The following EPHX4 variants were observed in gnomAD, a reference collection of about 807,000 sequenced individuals.
The protein encoded by EPHX4 is abhydrolase domain containing 7.
A neutral mutation model predicts 44.9 loss-of-function variants in EPHX4; 31 were observed. That is an observed-to-expected ratio of 0.69 (90% confidence interval 0.52 to 0.93). The LOEUF (loss-of-function observed/expected upper bound fraction) is 0.93. Ranked by LOEUF, EPHX4 falls within the 40% of genes least tolerant of loss-of-function variation. The pLI is 0.00. For synonymous variants in EPHX4, 151 were observed against 159.7 expected, an observed-to-expected ratio of 0.95 and a Z score of 0.41; for missense variants, 373 against 438.1, an observed-to-expected ratio of 0.85 and a Z score of 1.33.
intron 6 of EPHX4, among the ~76,000 whole-genome samples, chr1:92,058,325 C>T (rs1647416330): frequency 2.0e-5 from 3 of 151,806 alleles, no homozygotes; most frequent in Admixed American, 1.3e-4. Flanking sequence ...TCTGTAATCC[C>T]AGCTGCTCGG....
At chr1:92,037,371 A>C (rs1041359887) in intron 2 of EPHX4, among the ~76,000 whole-genome samples, 1 of 152,236 alleles carries the variant, frequency 6.6e-6, no homozygotes, top group Admixed American at 6.5e-5. Flanking sequence ...GCAACAATAA[A>C]ATCCCGGGTC....
At chr1:92,051,492 T>A (rs951439763) in intron 5 of EPHX4, among the ~76,000 whole-genome samples, 4 of 152,176 alleles carry the variant, frequency 2.6e-5, no homozygotes, top group Non-Finnish European at 2.9e-5. Flanking sequence ...TGAAGAAATT[T>A]GCCCTGAGGA....
At chr1:92,051,442 T>G (rs1011489241) in intron 5 of EPHX4, among the ~76,000 whole-genome samples, 1 of 152,152 alleles carries the variant, frequency 6.6e-6, no homozygotes, top group Non-Finnish European at 1.5e-5. Context: ...AGTGCCTTCT[T>G]TCTTTTTTTT....
chr1:92,042,070 T>C (rs1401673749), intron 2 of EPHX4, among the ~76,000 whole-genome samples: 2 of 151,132 alleles, frequency 1.3e-5, no homozygotes, highest in African/African-American at 2.4e-5. Flanking sequence ...AACAAAAAAT[T>C]GACTTATTGG....
chr1:92,043,576 A>T (rs1688542739), intron 3 of EPHX4: 1 of 152,220 alleles, frequency 6.6e-6, no homozygotes, highest in South Asian at 2.1e-4. Context: ...TATTCATTTT[A>T]AAATGTTATA....
At chr1:92,039,708 C>T (rs1046144060) in intron 2 of EPHX4, among the ~76,000 whole-genome samples, 2 of 152,090 alleles carry the variant, frequency 1.3e-5, no homozygotes, top group Non-Finnish European at 2.9e-5. Flanking sequence ...GGCTGGAGTG[C>T]GGTGACTCGA....
chr1:92,056,841 T>G (rs1647381222), intron 6 of EPHX4, among the ~76,000 whole-genome samples: 1 of 152,026 alleles, frequency 6.6e-6, no homozygotes, highest in African/African-American at 2.4e-5. Context: ...AAAGCAAATC[T>G]TAACCAATAC....
rs1260415716 is a variant in EPHX4 at position 92,042,918 on chromosome 1, A to G, written c.413A>G (p.His138Arg). ...RGYGETDAPI[H>R]RQNYKLDCLI... Reference sequence around the variant, plus strand: ...TATGGAGAAACAGATGCTCCCATTCATCGACAGAATTATAAATTGGATTGT... The same window carrying G: ...TATGGAGAAACAGATGCTCCCATTCGTCGACAGAATTATAAATTGGATTGT... The change falls in exon 3 of 7, where the codon CAT (histidine) becomes CGT (arginine). Residue 138 changes from histidine to arginine, a missense_variant. Transcript: ENST00000370383. 3 of 1,612,988 alleles carry G rather than the reference A, an allele frequency of 1.9e-6. No individual in the cohort carries two copies. The highest frequency in any genetic ancestry group is 2.7e-5 in the African/African-American group (2 of 74,910).
chr1:92,030,490 G>GTGTGTGTGTGTGTGTGTGTGT lies in EPHX4; in HGVS notation c.231+180_231+181insTGTGTGTGTGTGTGTGTGTGT, dbSNP rs1383490491. Reference sequence around the variant, plus strand: ...TGTGTGTGTGTGTGTGTGTGTGAGAGAGAGAGAGAGAGAGAGAGATACAGA... The same window carrying GTGTGTGTGTGTGTGTGTGTGT: ...TGTGTGTGTGTGTGTGTGTGTGAGAGTGTGTGTGTGTGTGTGTGTGTAGAGAGAGAGAGAGAGAGATACAGA... On this transcript the variant is annotated intron_variant, in intron 1 of 6. Transcript: ENST00000370383. Among the ~76,000 whole-genome samples the GTGTGTGTGTGTGTGTGTGTGT allele has an allele frequency of 8.5e-3, 1,088 of 127,628 alleles. 23 individuals carry two copies. The highest frequency in any genetic ancestry group is 0.013 in the African/African-American group (436 of 32,786). 83.7% of individuals were successfully genotyped at this position (127,628 alleles called of 152,430 possible).
intron 6 of EPHX4, among the ~76,000 whole-genome samples, chr1:92,060,829 G>A (rs1030062150): frequency 2.0e-5 from 3 of 151,742 alleles, no homozygotes; most frequent in African/African-American, 7.3e-5. Context: ...TTAGAAAATG[G>A]TTTGGTTTTG....
intron 2 of EPHX4, 88 bp downstream of exon 2, chr1:92,032,678 G>A: frequency 9.1e-7 from 1 of 1,094,632 alleles, no homozygotes; most frequent in South Asian, 1.3e-5. Context: ...GAATATCACA[G>A]TCTGGGTAAC....
intron 4 of EPHX4, 98 bp from the exon 5 acceptor site, chr1:92,050,219 G>A: frequency 2.7e-6 from 2 of 728,218 alleles, no homozygotes; most frequent in South Asian, 3.6e-5. Flanking sequence ...TTCTTTTATG[G>A]GATCATCTTA....
chr1:92,045,796 G>A, intron 4 of EPHX4, 136 bp downstream of exon 4: 1 of 910,090 alleles, frequency 1.1e-6, no homozygotes, highest in South Asian at 1.5e-5. Context: ...GATAGCACAT[G>A]ACAGTGTCAG....
At chr1:92,062,857 T>C (rs763638812) in intron 6 of EPHX4, among the ~76,000 whole-genome samples, 198 bp from the exon 7 acceptor site, 22 of 152,100 alleles carry the variant, frequency 1.4e-4, no homozygotes, top group Non-Finnish European at 2.4e-4. Flanking sequence ...TTTTAGTATC[T>C]GTTTATGTAC....
chr1:92,040,176 AT>A (rs10646888), intron 2 of EPHX4, among the ~76,000 whole-genome samples: 556 of 112,114 alleles, frequency 5.0e-3, no homozygotes, highest in African/African-American at 0.012. Context: ...TGTTACAATG[AT>A]TTTTTTTTTT....
intron 6 of EPHX4, among the ~76,000 whole-genome samples, chr1:92,053,753 G>A (rs900405618): frequency 1.3e-5 from 2 of 152,280 alleles, no homozygotes; most frequent in East Asian, 3.9e-4. Flanking sequence ...GGATAAGCAT[G>A]CCATTTACTG....
intron 6 of EPHX4, 104 bp downstream of exon 6, chr1:92,052,762 A>G (rs1463827884): frequency 1.9e-6 from 2 of 1,047,124 alleles, no homozygotes; most frequent in East Asian, 2.9e-5. Context: ...CAAAGACTCA[A>G]ATAAGGTATT....
At chr1:92,062,218 C>G (rs1294878782) in intron 6 of EPHX4, among the ~76,000 whole-genome samples, 2 of 152,040 alleles carry the variant, frequency 1.3e-5, no homozygotes, top group African/African-American at 4.8e-5. Flanking sequence ...TAAAATAAAG[C>G]TAAACAGTAA....
At chr1:92,058,664 A>G (rs1210007560) in intron 6 of EPHX4, among the ~76,000 whole-genome samples, 2 of 152,046 alleles carry the variant, frequency 1.3e-5, no homozygotes, top group Non-Finnish European at 2.9e-5. Flanking sequence ...CCTTTGCTTT[A>G]CTCAATTGTC....
Sources: gnomAD v4.1 joint callset for allele counts (sites outside exome capture counted in the v4.1 genomes callset) on GRCh38, gnomAD v4.1.1 for gene constraint, MANE v1.5 for transcripts, NCBI Gene and HGNC (gene_info 2026-07-23, HGNC 2026-07-21) for gene names.